Variants in PHACTR4 observed in about 807,000 individuals in gnomAD.
PHACTR4 encodes protein phosphatase 1, regulatory subunit 124.
PHACTR4 carries 51 observed loss-of-function variants against 72.7 expected under a neutral mutation model. That is an observed-to-expected ratio of 0.70 (90% CI 0.56 to 0.89). PHACTR4 has a LOEUF of 0.89. PHACTR4 is among the 40% of genes least tolerant of loss of function. The pLI is 0.00. For missense variants in PHACTR4, 731 were observed against 861.8 expected (o/e 0.85, Z 1.90); for synonymous variants, 255 against 302.5 (o/e 0.84, Z 1.63).
At chr1:28,410,239 T>A (rs1041966045) in intron 2 of PHACTR4, among the ~76,000 whole-genome samples, 1 of 109,590 alleles carries the variant, frequency 9.1e-6, no homozygotes, top group African/African-American at 2.6e-5. Context: ...GTGCTGGGAT[T>A]ACAGGCGTGA....
intron 8 of PHACTR4, 26 bp from the exon 9 acceptor site, chr1:28,480,425 C>G (rs754790876): frequency 7.4e-6 from 12 of 1,612,068 alleles, no homozygotes; most frequent in Non-Finnish European, 1.0e-5. Context: ...TCAAGTTCTA[C>G]ATTTTTTTCT....
chr1:28,407,692 T>G (rs1231192394), intron 2 of PHACTR4, among the ~76,000 whole-genome samples: 1 of 152,186 alleles, frequency 6.6e-6, no homozygotes, highest in African/African-American at 2.4e-5. Flanking sequence ...GTATTACAAA[T>G]TAAACCTGAG....
chr1:28,488,442 A>G lies in PHACTR4; in HGVS notation c.1761-728A>G, dbSNP rs1401164807. Among the ~76,000 whole-genome samples, 4 of 152,198 alleles carry G rather than the reference A, an allele frequency of 2.6e-5. No individual in the cohort carries two copies. In the East Asian group the frequency reaches 7.7e-4, roughly 29 times the overall value. Reference sequence around the variant, plus strand: ...AACCCGGGAGGCGGAGCTTGTAGTGAGCCGAGATTGCACCACTGCACTCCA... The same window carrying G: ...AACCCGGGAGGCGGAGCTTGTAGTGGGCCGAGATTGCACCACTGCACTCCA... On this transcript the variant is annotated intron_variant, in intron 9 of 13. Transcript: ENST00000373839.
chr1:28,400,099 A>G (rs902131065), intron 1 of PHACTR4, among the ~76,000 whole-genome samples: 3 of 152,180 alleles, frequency 2.0e-5, no homozygotes, highest in Non-Finnish European at 4.4e-5. Context: ...GTTGTCAAGC[A>G]CAATGGCTCA....
At chr1:28,427,667 T>A (rs1462407388) in intron 2 of PHACTR4, among the ~76,000 whole-genome samples, 1 of 152,222 alleles carries the variant, frequency 6.6e-6, no homozygotes, top group Non-Finnish European at 1.5e-5. Context: ...AGTTTATAAT[T>A]TAGCACCCTT....
At chr1:28,486,527 T>C (rs1206068558) in intron 9 of PHACTR4, among the ~76,000 whole-genome samples, 1 of 149,796 alleles carries the variant, frequency 6.7e-6, no homozygotes, top group East Asian at 1.9e-4. Context: ...TTAAAGCTGG[T>C]TTGTTTTTTG....
In PHACTR4 at chr1:28,466,623, C is replaced by T. The variant is rs1199917171; in HGVS notation, c.678C>T (p.Thr226=). The T allele has an allele frequency of 6.2e-7, 1 of 1,613,980 alleles. No individual in the cohort carries two copies. The highest frequency in any genetic ancestry group is 8.5e-7 in the Non-Finnish European group (1 of 1,179,966). The part of the protein sequence containing the change: ...SLAKTVNLSV[T]PSPAPRTLPA... Reference sequence around the variant, plus strand: ...CAAAGACTGTTAATCTCTCTGTCACCCCTTCCCCAGCACCCAGGACTCTGC... The same window carrying T: ...CAAAGACTGTTAATCTCTCTGTCACTCCTTCCCCAGCACCCAGGACTCTGC... The change falls in exon 6 of 14, where the codon ACC becomes ACT. Residue 226 remains threonine (T), a synonymous_variant. Coordinates refer to ENST00000373839, the MANE Select transcript of PHACTR4 (RefSeq NM_001048183.3).
chr1:28,382,524 C>T (rs1261223538), intron 1 of PHACTR4, among the ~76,000 whole-genome samples: 1 of 151,562 alleles, frequency 6.6e-6, no homozygotes, highest in African/African-American at 2.4e-5. Context: ...GGGATGGTCT[C>T]GATCTCCTGA....
intron 1 of PHACTR4, among the ~76,000 whole-genome samples, chr1:28,393,385 A>C (rs1653212108): frequency 6.6e-6 from 1 of 152,196 alleles, no homozygotes; most frequent in Non-Finnish European, 1.5e-5. Flanking sequence ...TATTAAATGA[A>C]TGCACTGCAT....
At chr1:28,378,474 G>T (rs1451057897) in intron 1 of PHACTR4, among the ~76,000 whole-genome samples, 1 of 151,730 alleles carries the variant, frequency 6.6e-6, no homozygotes, top group African/African-American at 2.4e-5. Context: ...TTGCACTCCA[G>T]CCTGGGTGAC....
intron 2 of PHACTR4, among the ~76,000 whole-genome samples, chr1:28,410,337 T>C (rs757883712): frequency 4.1e-4 from 63 of 152,250 alleles, no homozygotes; most frequent in Middle Eastern, 3.4e-3. Context: ...AGTTTTATTA[T>C]AGTAGTCTGG....
At position 28,499,828 on chromosome 1, in the gene PHACTR4, C is replaced by G. The variant is rs1661567714; in HGVS notation, c.*3279C>G. 1 of 152,120 alleles carries G rather than the reference C, an allele frequency of 6.6e-6. No individual in the cohort carries two copies. The highest frequency in any genetic ancestry group is 2.4e-5 in the African/African-American group (1 of 41,424). 9.4% of individuals were successfully genotyped at this position (152,120 alleles called of 1,614,324 possible). ...AACTGAGGGAAGAGAAGTGACAATT[C>G]CACTCAGTCTATTAGAGGTCTGGAT... On this transcript the variant is annotated 3_prime_UTR_variant, in exon 14 of 14. Transcript: ENST00000373839.
At chr1:28,380,074 T>TTTTA (rs1180762893) in intron 1 of PHACTR4, among the ~76,000 whole-genome samples, 1 of 143,624 alleles carries the variant, frequency 7.0e-6, no homozygotes, top group Non-Finnish European at 1.5e-5. Context: ...TTTTTTTTTT[T>TTTTA]GAGACGGAGT....
intron 9 of PHACTR4, among the ~76,000 whole-genome samples, chr1:28,488,262 C>T (rs1660826463): frequency 6.6e-6 from 1 of 151,950 alleles, no homozygotes; most frequent in Non-Finnish European, 1.5e-5. Flanking sequence ...CTTTGGGAGG[C>T]CGAGGCAGGC....
At position 28,389,524 on chromosome 1, in the gene PHACTR4, CTG is replaced by C. The variant is rs1471871782; in HGVS notation, c.-38-17885_-38-17884del. Among the ~76,000 whole-genome samples the C allele has an allele frequency of 4.5e-4, 65 of 145,944 alleles. 1 individual carries two copies. In the East Asian group the frequency reaches 0.012, roughly 27 times the overall value. Reference sequence around the variant, plus strand: ...GACACAGTCTCGCTCTGTTGCCAGGCTGGAGTGCAGTGACGCAATCTCGGCTC... The same window carrying C: ...GACACAGTCTCGCTCTGTTGCCAGGCGAGTGCAGTGACGCAATCTCGGCTC... On this transcript the variant is annotated intron_variant, in intron 1 of 13. Transcript: ENST00000373839.
chr1:28,494,714 T>G (rs1661237816), intron 13 of PHACTR4, among the ~76,000 whole-genome samples: 1 of 152,218 alleles, frequency 6.6e-6, no homozygotes, highest in Non-Finnish European at 1.5e-5. Flanking sequence ...CACATGGTGT[T>G]TCTGGGTAAC....
intron 2 of PHACTR4, among the ~76,000 whole-genome samples, chr1:28,414,115 AC>A (rs1214404529): frequency 6.6e-6 from 1 of 152,016 alleles, no homozygotes; most frequent in Non-Finnish European, 1.5e-5. Flanking sequence ...TTGCTCTGTC[AC>A]CCAGGCTAGA....
At chr1:28,424,495 T>C (rs1655707825) in intron 2 of PHACTR4, among the ~76,000 whole-genome samples, 1 of 123,374 alleles carries the variant, frequency 8.1e-6, no homozygotes, top group Non-Finnish European at 1.6e-5. Context: ...TTAAATTTTA[T>C]TTATTATTTT....
intron 2 of PHACTR4, chr1:28,438,552 TTA>T: frequency 9.3e-7 from 1 of 1,070,112 alleles, no homozygotes; most frequent in South Asian, 1.7e-5. Flanking sequence ...TTTGAAATGT[TTA>T]TGTTTGTGAA....
Sources: gnomAD v4.1 joint callset for allele counts (sites outside exome capture counted in the v4.1 genomes callset) on GRCh38, gnomAD v4.1.1 for gene constraint, MANE v1.5 for transcripts, NCBI Gene and HGNC (gene_info 2026-07-23, HGNC 2026-07-21) for gene names.